The following TRDN variants were observed in gnomAD, a reference collection of about 807,000 sequenced individuals.
The protein encoded by TRDN is triadin in skeletal muscle.
Under a neutral mutation model 149.7 loss-of-function variants are expected in TRDN, and 161 were observed. The ratio of observed to expected loss-of-function variants is 1.08; its 90% CI spans 0.95 to 1.23. The LOEUF is 1.23. TRDN is among the 50% of genes most tolerant of loss of function. TRDN has a pLI of 0.00. For missense variants in TRDN, 896 were observed against 823.5 expected, an observed-to-expected ratio of 1.09 and a Z score of -1.08; for synonymous variants, 294 against 250.5, an observed-to-expected ratio of 1.17 and a Z score of -1.64.
chr6:123,242,150 A>C (rs946801894), intron 38 of TRDN, among the ~76,000 whole-genome samples: 1 of 152,094 alleles, frequency 6.6e-6, no homozygotes, highest in Non-Finnish European at 1.5e-5. Flanking sequence ...TTCCCGCAGC[A>C]TTGTTTGCCT....
chr6:123,472,125 A>G (rs1777187679), intron 9 of TRDN, among the ~76,000 whole-genome samples: 1 of 152,334 alleles, frequency 6.6e-6, no homozygotes, highest in Middle Eastern at 3.4e-3. Context: ...TCCCAGCGTG[A>G]GCGACGCAGA....
At chr6:123,461,004 T>A (rs1776415522) in intron 10 of TRDN, among the ~76,000 whole-genome samples, 1 of 152,162 alleles carries the variant, frequency 6.6e-6, no homozygotes, top group East Asian at 1.9e-4. Context: ...CCAACAACTT[T>A]AACATCTCTA....
chr6:123,513,320 C>G (rs79487974), intron 6 of TRDN, among the ~76,000 whole-genome samples: 1 of 152,168 alleles, frequency 6.6e-6, no homozygotes, highest in Non-Finnish European at 1.5e-5. Flanking sequence ...AAGCAAACAT[C>G]CTTTAATTGG....
chr6:123,611,331 G>A (rs532223878), intron 1 of TRDN, among the ~76,000 whole-genome samples: 1 of 151,974 alleles, frequency 6.6e-6, no homozygotes. Flanking sequence ...AGATATGAGA[G>A]GGCAAAAAAG....
intron 2 of TRDN, 32 bp downstream of exon 2, chr6:123,570,891 T>A (rs1231606187): frequency 6.2e-7 from 1 of 1,600,322 alleles, no homozygotes; most frequent in African/African-American, 1.3e-5. Flanking sequence ...TGAATTAATT[T>A]TAATTTTAAA....
intron 2 of TRDN, among the ~76,000 whole-genome samples, chr6:123,564,710 A>C (rs1782192195): frequency 6.6e-6 from 1 of 152,194 alleles, no homozygotes; most frequent in South Asian, 2.1e-4. Flanking sequence ...CAGATTACAG[A>C]TCTTACTTCC....
intron 30 of TRDN, 70 bp from the exon 31 acceptor site, chr6:123,269,936 A>G (rs1777150563): frequency 6.8e-7 from 1 of 1,461,760 alleles, no homozygotes; most frequent in Non-Finnish European, 9.4e-7. Context: ...ACTGTTTAGT[A>G]TTTGTATTTA....
At chr6:123,274,174 G>A (rs1777296184) in intron 27 of TRDN, among the ~76,000 whole-genome samples, 1 of 152,068 alleles carries the variant, frequency 6.6e-6, no homozygotes, top group South Asian at 2.1e-4. Flanking sequence ...TATGATGAAA[G>A]TAAAAATCCT....
At chr6:123,282,080 T>C (rs983421411) in intron 24 of TRDN, among the ~76,000 whole-genome samples, 1 of 151,710 alleles carries the variant, frequency 6.6e-6, no homozygotes, top group African/African-American at 2.4e-5. Context: ...TGGACAAACA[T>C]AGAGGGAATG....
chr6:123,389,587 T>C (rs1349270308), intron 13 of TRDN: 3 of 152,158 alleles, frequency 2.0e-5, no homozygotes, highest in Non-Finnish European at 4.4e-5. Context: ...GCAGCAGAAT[T>C]GGCTCTAAAA....
intron 8 of TRDN, chr6:123,502,227 A>G (rs1778729434): frequency 1.0e-6 from 1 of 978,622 alleles, no homozygotes; most frequent in Non-Finnish European, 1.2e-6. Context: ...TTTTTACCAC[A>G]GTAAAATATT....
At chr6:123,326,150 C>A (rs768619655) in intron 23 of TRDN, among the ~76,000 whole-genome samples, 1 of 152,096 alleles carries the variant, frequency 6.6e-6, no homozygotes, top group African/African-American at 2.4e-5. Context: ...ATTTCTCTTA[C>A]TCTTGGCTCT....
intron 23 of TRDN, 31 bp from the exon 24 acceptor site, chr6:123,316,526 A>G: frequency 6.2e-7 from 1 of 1,600,146 alleles, no homozygotes; most frequent in Non-Finnish European, 8.5e-7. Flanking sequence ...AAACACGTAC[A>G]AACAAAAGGG....
intron 1 of TRDN, among the ~76,000 whole-genome samples, chr6:123,592,057 T>C (rs1284881701): frequency 8.5e-5 from 13 of 152,170 alleles, no homozygotes; most frequent in Non-Finnish European, 1.8e-4. Flanking sequence ...GTTTTCAAAG[T>C]ACTGTGTATT....
chr6:123,418,770 C>T (rs1024919093), intron 12 of TRDN, among the ~76,000 whole-genome samples: 1 of 152,076 alleles, frequency 6.6e-6, no homozygotes, highest in Non-Finnish European at 1.5e-5. Context: ...GTTGTGCATC[C>T]AGTGGCAGGG....
intron 15 of TRDN, among the ~76,000 whole-genome samples, chr6:123,381,657 A>G (rs912626415): frequency 2.6e-5 from 4 of 152,058 alleles, no homozygotes; most frequent in African/African-American, 9.7e-5. Flanking sequence ...TACACCTGAT[A>G]TGTAATAGTC....
chr6:123,237,549 C>A (rs1775835225), intron 38 of TRDN, among the ~76,000 whole-genome samples: 2 of 152,086 alleles, frequency 1.3e-5, no homozygotes, highest in South Asian at 4.1e-4. Context: ...CGCCCTGACA[C>A]CCTACTACCT....
chr6:123,346,103 C>G (rs1372369395), intron 21 of TRDN, among the ~76,000 whole-genome samples: 1 of 152,024 alleles, frequency 6.6e-6, no homozygotes, highest in Non-Finnish European at 1.5e-5. Context: ...TTGCCGTGTT[C>G]CTGACCTCAG....
At position 123,267,792 on chromosome 6, in the gene TRDN, C is replaced by CTTTG. The variant is rs143258292; in HGVS notation, c.1739-45_1739-42dup. The CTTTG allele has an allele frequency of 3.8e-3, 5,617 of 1,487,132 alleles. 173 individuals carry two copies. The East Asian group carries it at 0.076, about 20-fold the overall frequency. The allele number at this position is 1,487,132 out of a possible 1,614,324, so 92.1% of individuals were successfully genotyped here. On this transcript the variant is annotated intron_variant, in intron 31 of 40. Coordinates refer to ENST00000334268, the MANE Select transcript of TRDN (RefSeq NM_006073.4). ...AAAATTCACTGGCAATCTGTGGATT[C>CTTTG]TTTGGCAAATATTTCTTATTTATAT...
Sources: allele counts gnomAD v4.1 joint callset (sites outside exome capture counted in the v4.1 genomes callset), GRCh38; gene constraint gnomAD v4.1.1; transcripts MANE v1.5; gene names NCBI Gene and HGNC (gene_info 2026-07-23, HGNC 2026-07-21).